SLC14A2: variants seen among roughly 807,000 people sequenced by gnomAD.
SLC14A2 encodes the protein urea transporter 2.
In SLC14A2, 91 loss-of-function variants were observed where a neutral mutation model predicts 104.6. The observed-to-expected ratio is 0.87, with a 90% CI of 0.73 to 1.04. The LOEUF is 1.04. SLC14A2 is among the 50% of genes least tolerant of loss of function. SLC14A2 has a pLI of 0.00. For synonymous variants in SLC14A2, 476 were observed against 466.4 expected (o/e 1.02, Z -0.27); for missense variants, 1,189 against 1,156.0 (o/e 1.03, Z -0.41).
chr18:45,303,207 G>C (rs569717887), intron 1 of SLC14A2, among the ~76,000 whole-genome samples: 75 of 152,246 alleles, frequency 4.9e-4, no homozygotes, highest in African/African-American at 1.8e-3. Flanking sequence ...TACAGAAATC[G>C]ACAGTGAGGT....
chr18:45,591,780 A>C (rs1170441846), intron 2 of SLC14A2, among the ~76,000 whole-genome samples: 1 of 152,234 alleles, frequency 6.6e-6, no homozygotes, highest in African/African-American at 2.4e-5. Context: ...TGGGTACATG[A>C]AATGAAGACA....
At chr18:45,307,186 G>A (rs1165357215) in intron 1 of SLC14A2, among the ~76,000 whole-genome samples, 2 of 151,980 alleles carry the variant, frequency 1.3e-5, no homozygotes, top group Non-Finnish European at 2.9e-5. Flanking sequence ...GGAGGCCAAG[G>A]CGGGCAGATC....
intron 1 of SLC14A2, chr18:45,483,090 C>G (rs2087528064): frequency 6.6e-6 from 1 of 151,982 alleles, no homozygotes; most frequent in Non-Finnish European, 1.5e-5. Context: ...AGTTTTATGT[C>G]CTGTTTCCTT....
Position 45,632,342 on chromosome 18 carries a change from A to G in SLC14A2, c.522-8A>G. On this transcript the variant is annotated splice_region_variant and splice_polypyrimidine_tract_variant and intron_variant, in intron 4 of 19. Transcript: ENST00000255226. ...TTCAAATGCAAAATCAGTCTGTTTCACCGCCAGGTCTGCCATTGCCTCAGG... is the reference window on the plus strand; with the variant it reads ...TTCAAATGCAAAATCAGTCTGTTTCGCCGCCAGGTCTGCCATTGCCTCAGG... The G allele has an allele frequency of 6.2e-7, 1 of 1,610,138 alleles. No homozygotes were observed. The highest frequency in any genetic ancestry group is 1.7e-5 in the Admixed American group (1 of 59,122).
chr18:45,384,949 T>A (rs76230107), intron 1 of SLC14A2, among the ~76,000 whole-genome samples: 6 of 152,198 alleles, frequency 3.9e-5, no homozygotes, highest in African/African-American at 1.4e-4. Flanking sequence ...CAAGTAAAGA[T>A]GAACAGGGAG....
At chr18:45,456,507 T>C (rs1450029020) in intron 1 of SLC14A2, among the ~76,000 whole-genome samples, 1 of 152,208 alleles carries the variant, frequency 6.6e-6, no homozygotes, top group Admixed American at 6.5e-5. Context: ...TGGCTGCATG[T>C]CTGCACCTCC....
intron 1 of SLC14A2, among the ~76,000 whole-genome samples, chr18:45,415,711 T>C (rs910789876): frequency 2.6e-5 from 4 of 152,172 alleles, no homozygotes; most frequent in African/African-American, 9.7e-5. Context: ...GCTGGTTTAA[T>C]AGGCTGCCCT....
At chr18:45,392,784 T>C (rs936853342) in intron 1 of SLC14A2, among the ~76,000 whole-genome samples, 1 of 152,226 alleles carries the variant, frequency 6.6e-6, no homozygotes, top group African/African-American at 2.4e-5. Context: ...TGTCTAATAA[T>C]GTGAATTAAT....
intron 1 of SLC14A2, among the ~76,000 whole-genome samples, chr18:45,261,019 C>A (rs1412263290): frequency 6.8e-6 from 1 of 147,296 alleles, no homozygotes; most frequent in African/African-American, 2.5e-5. Context: ...CTCTTAATTT[C>A]TTTTTTTTTT....
intron 1 of SLC14A2, among the ~76,000 whole-genome samples, chr18:45,372,708 G>C (rs1304376936): frequency 6.6e-6 from 1 of 152,132 alleles, no homozygotes; most frequent in Non-Finnish European, 1.5e-5. Context: ...ATAATCCATG[G>C]ACTGCACCTA....
chr18:45,327,450 C>G (rs930695940), intron 1 of SLC14A2, among the ~76,000 whole-genome samples: 1 of 152,156 alleles, frequency 6.6e-6, no homozygotes, highest in Non-Finnish European at 1.5e-5. Flanking sequence ...ACCATCACCA[C>G]TATCCATCTC....
intron 1 of SLC14A2, among the ~76,000 whole-genome samples, chr18:45,365,141 C>A (rs1231129892): frequency 1.3e-5 from 2 of 152,200 alleles, no homozygotes; most frequent in Non-Finnish European, 2.9e-5. Flanking sequence ...ACTTCTAAGA[C>A]CCCGAGCTCA....
chr18:45,371,256 A>C (rs2085719574), intron 1 of SLC14A2, among the ~76,000 whole-genome samples: 1 of 152,140 alleles, frequency 6.6e-6, no homozygotes. Flanking sequence ...ACCAAACTGG[A>C]CTATCTCCTG....
At chr18:45,540,076 C>A (rs1334620756) in intron 2 of SLC14A2, among the ~76,000 whole-genome samples, 1 of 151,542 alleles carries the variant, frequency 6.6e-6, no homozygotes, top group Non-Finnish European at 1.5e-5. Flanking sequence ...TTCTTTTTTT[C>A]TTTCTTTCTT....
chr18:45,497,944 G>A (rs2043127854), intron 2 of SLC14A2, among the ~76,000 whole-genome samples: 1 of 152,182 alleles, frequency 6.6e-6, no homozygotes, highest in Non-Finnish European at 1.5e-5. Flanking sequence ...ACTGCAGGAG[G>A]AGAGCAAGGG....
At chr18:45,374,750 C>T (rs1038446616) in intron 1 of SLC14A2, among the ~76,000 whole-genome samples, 1 of 152,200 alleles carries the variant, frequency 6.6e-6, no homozygotes, top group Admixed American at 6.5e-5. Context: ...CCTCCTCTAC[C>T]TCCCATCCTT....
chr18:45,171,560 G>A, the SLC14A2 span, among the ~76,000 whole-genome samples: 1 of 152,010 alleles, frequency 6.6e-6, no homozygotes, highest in Non-Finnish European at 1.5e-5. Context: ...TGATTCTTTT[G>A]TTTTATAAAA....
intron 2 of SLC14A2, among the ~76,000 whole-genome samples, chr18:45,515,084 C>T (rs2043419637): frequency 1.3e-5 from 2 of 152,174 alleles, no homozygotes; most frequent in African/African-American, 4.8e-5. Flanking sequence ...ACTTAGCATA[C>T]CACTCACACA....
At chr18:45,564,374 T>C (rs1222630394) in intron 2 of SLC14A2, among the ~76,000 whole-genome samples, 1 of 152,220 alleles carries the variant, frequency 6.6e-6, no homozygotes, top group African/African-American at 2.4e-5. Context: ...AGGACACAGA[T>C]ACTCAGGTCT....
Sources: allele counts gnomAD v4.1 joint callset (sites outside exome capture counted in the v4.1 genomes callset), GRCh38; gene constraint gnomAD v4.1.1; transcripts MANE v1.5; gene names NCBI Gene and HGNC (gene_info 2026-07-23, HGNC 2026-07-21).